MGST1: variants seen among roughly 807,000 people sequenced by gnomAD.
MGST1 encodes the protein microsomal glutathione S-transferase 1, also known as glutathione S-transferase 12.
In MGST1, 5 loss-of-function variants were observed where a neutral mutation model predicts 8.9. That is an observed-to-expected ratio of 0.56 (90% CI 0.29 to 1.19). The LOEUF (loss-of-function observed/expected upper bound fraction) is 1.19. MGST1 is among the 50% of genes most tolerant of loss of function. The probability of loss-of-function intolerance (pLI) is 0.08; values close to 1 mark genes in which losing one functional copy is unlikely to be tolerated. For synonymous variants in MGST1, 54 were observed against 67.8 expected (o/e 0.80, Z 1.00); for missense variants, 182 against 187.4 (o/e 0.97, Z 0.17).
chr12:16,351,947 T>C (rs569515304), intron 1 of MGST1, among the ~76,000 whole-genome samples: 1 of 152,344 alleles, frequency 6.6e-6, no homozygotes, highest in East Asian at 1.9e-4. Context: ...GGGTGCCTAC[T>C]TGTGCCAGCC....
chr12:16,381,959 A>G (rs186050172), downstream of MGST1, among the ~76,000 whole-genome samples: 159 of 152,172 alleles, frequency 1.0e-3, no homozygotes, highest in African/African-American at 3.7e-3. Context: ...TTCTTCACAT[A>G]GCTCTCGTGC....
chr12:16,509,475 C>T (rs1290185913), intron 4 of MGST1, among the ~76,000 whole-genome samples: 2 of 152,164 alleles, frequency 1.3e-5, no homozygotes, highest in Admixed American at 6.5e-5. Flanking sequence ...TTAGTAAACA[C>T]TATAGCTTTA....
chr12:16,572,098 G>A (rs918845694), intron 4 of MGST1, among the ~76,000 whole-genome samples: 1 of 151,756 alleles, frequency 6.6e-6, no homozygotes, highest in Non-Finnish European at 1.5e-5. Context: ...AGACAAAATG[G>A]TATCCTGCAA....
At chr12:16,488,349 C>T (rs1277546807) in intron 4 of MGST1, among the ~76,000 whole-genome samples, 1 of 152,032 alleles carries the variant, frequency 6.6e-6, no homozygotes, top group Admixed American at 6.6e-5. Context: ...TCAGTTCCAC[C>T]CTCCCTCATC....
At chr12:16,396,105 G>A (rs572918823) in intron 1 of MGST1, among the ~76,000 whole-genome samples, 20 of 151,802 alleles carry the variant, frequency 1.3e-4, no homozygotes, top group Admixed American at 6.6e-5. Context: ...CTGCATCCAC[G>A]CCAACATCTA....
intron 4 of MGST1, among the ~76,000 whole-genome samples, chr12:16,558,403 G>A (rs1463955964): frequency 6.6e-6 from 1 of 151,950 alleles, no homozygotes; most frequent in Non-Finnish European, 1.5e-5. Flanking sequence ...ATGGTTACTG[G>A]CTGCTATTAG....
intron 1 of MGST1, chr12:16,348,902 C>T (rs1433940173): frequency 6.6e-6 from 1 of 151,332 alleles, no homozygotes; most frequent in Non-Finnish European, 1.5e-5. Context: ...AGAGTGGTGT[C>T]TATGAATCCC....
chr12:16,566,059 C>T (rs1327134910), intron 4 of MGST1, among the ~76,000 whole-genome samples: 39 of 104,300 alleles, frequency 3.7e-4, no homozygotes, highest in African/African-American at 1.3e-3. Context: ...TACTATTCAG[C>T]CATAAAAAAG....
rs1051817644 is a variant in MGST1, at chr12:16,500,139, C to CTT, written n.483-89384_483-89383dup. ...ATTATACTGTTGCCAGAGAAGTTTT[C>CTT]TTTTTTCCAAATCGAGTGTTTACTT... is the stretch of plus-strand genomic sequence containing the variant. On this transcript the variant is annotated intron_variant and non_coding_transcript_variant, in intron 4 of 4. Transcript: ENST00000538857. This position sits in a 1 kb window ranked among gnomAD's most constrained non-coding sequence, Gnocchi z 4.3. 6.6e-6 allele frequency among the ~76,000 whole-genome samples: 1 copy of CTT among 151,814 alleles called. No homozygotes were observed. The highest frequency in any genetic ancestry group is 6.6e-5 in the Admixed American group (1 of 15,210).
At chr12:16,408,030 CAAAAAAAAAAAAA>C (rs200073692) in intron 1 of MGST1, among the ~76,000 whole-genome samples, 35 of 44,094 alleles carry the variant, frequency 7.9e-4, no homozygotes, top group East Asian at 7.2e-3. Flanking sequence ...GACTCTGTCT[CAAAAAAAAAAAAA>C]AAAAAAAAAA....
intron 1 of MGST1, among the ~76,000 whole-genome samples, chr12:16,386,253 T>C (rs1296338407): frequency 6.6e-6 from 1 of 152,198 alleles, no homozygotes; most frequent in African/African-American, 2.4e-5. Context: ...GTGACTTTTC[T>C]TTTGGACATC....
intron 1 of MGST1, among the ~76,000 whole-genome samples, chr12:16,394,574 CT>C (rs879677275): frequency 0.089 from 4,696 of 53,008 alleles, 204 homozygotes; most frequent in South Asian, 0.17. Flanking sequence ...TTCTTTCTTT[CT>C]TCTCTCTGTC....
chr12:16,577,905 T>C (rs899745969), intron 4 of MGST1, among the ~76,000 whole-genome samples: 2 of 152,230 alleles, frequency 1.3e-5, no homozygotes, highest in Non-Finnish European at 2.9e-5. Context: ...AATTATTTTA[T>C]GTGACATTTT....
At chr12:16,558,752 A>G (rs751797024) in intron 4 of MGST1, among the ~76,000 whole-genome samples, 5 of 152,158 alleles carry the variant, frequency 3.3e-5, no homozygotes, top group South Asian at 4.1e-4. Context: ...AAGAAACACT[A>G]TTGTGATACA....
At chr12:16,380,316 T>C (rs1298566936), downstream of MGST1, among the ~76,000 whole-genome samples, 1 of 152,220 alleles carries the variant, frequency 6.6e-6, no homozygotes, top group Non-Finnish European at 1.5e-5. Flanking sequence ...GCTTTGAATG[T>C]GTGCCAGAGA....
At chr12:16,357,423 C>A in intron 2 of MGST1, 182 bp from the exon 3 acceptor site, 1 of 536,694 alleles carries the variant, frequency 1.9e-6, no homozygotes. Context: ...GGCCCACTAC[C>A]ATGCAAAATT....
At chr12:16,539,505 C>T (rs1318468131) in intron 4 of MGST1, among the ~76,000 whole-genome samples, 1 of 152,154 alleles carries the variant, frequency 6.6e-6, no homozygotes, top group East Asian at 1.9e-4. Flanking sequence ...CAAATGACCA[C>T]CTCCTCCTGT....
At chr12:16,592,172 A>T (rs1317475191), downstream of MGST1, among the ~76,000 whole-genome samples, 2 of 152,060 alleles carry the variant, frequency 1.3e-5, no homozygotes, top group Non-Finnish European at 1.5e-5. Context: ...ATAAGAACGA[A>T]GTATTGGCAC....
chr12:16,498,293 A>G (rs1021501747), intron 4 of MGST1, among the ~76,000 whole-genome samples: 1 of 152,200 alleles, frequency 6.6e-6, no homozygotes, highest in Non-Finnish European at 1.5e-5. Flanking sequence ...ACTTCCTAGT[A>G]TCTCTCCCTG....
Sources: gnomAD v4.1 joint callset for allele counts (sites outside exome capture counted in the v4.1 genomes callset) on GRCh38, gnomAD v4.1.1 for gene constraint, Gnocchi (gnomAD v3.1) non-coding constraint, MANE v1.5 for transcripts, NCBI Gene and HGNC (gene_info 2026-07-23, HGNC 2026-07-21) for gene names.